AIG1: variants seen among roughly 807,000 people sequenced by gnomAD.
AIG1 encodes the protein androgen induced 1.
A neutral mutation model predicts 31.4 loss-of-function variants in AIG1; 23 were observed. The ratio of observed to expected loss-of-function variants is 0.73; its 90% CI spans 0.53 to 1.04. The LOEUF (loss-of-function observed/expected upper bound fraction) is 1.04. AIG1 is among the 50% of genes least tolerant of loss of function. AIG1 has a pLI of 0.00. For synonymous variants in AIG1, 100 were observed against 110.5 expected, an observed-to-expected ratio of 0.90 and a Z score of 0.60; for missense variants, 274 against 295.0, an observed-to-expected ratio of 0.93 and a Z score of 0.52.
At chr6:143,192,297 A>G (rs1016454313) in intron 3 of AIG1, among the ~76,000 whole-genome samples, 4 of 152,194 alleles carry the variant, frequency 2.6e-5, no homozygotes, top group African/African-American at 9.6e-5. Context: ...ATAAGTCCTC[A>G]ACAAAAATGC....
chr6:143,320,143 A>G (rs957358588), intron 4 of AIG1, among the ~76,000 whole-genome samples: 12 of 152,226 alleles, frequency 7.9e-5, no homozygotes, highest in African/African-American at 2.9e-4. Context: ...ATCATGAGGG[A>G]AATGCAAATT....
intron 3 of AIG1, among the ~76,000 whole-genome samples, chr6:143,184,557 C>T (rs1035180752): frequency 4.6e-5 from 7 of 152,222 alleles, no homozygotes; most frequent in Admixed American, 3.9e-4. Context: ...ATCACATCCC[C>T]CACAGTTAGG....
intron 3 of AIG1, among the ~76,000 whole-genome samples, chr6:143,243,933 G>A (rs906478707): frequency 6.6e-6 from 1 of 152,146 alleles, no homozygotes; most frequent in Non-Finnish European, 1.5e-5. Flanking sequence ...GCCTAGATTT[G>A]CCATCAAAAT....
Position 143,088,188 on chromosome 6 carries a change from T to A in AIG1, c.141+27122T>A, listed in dbSNP as rs553799778. On this transcript the variant is annotated intron_variant, in intron 1 of 5. Transcript: ENST00000357847. ...AAATTGTGCTTTAGTCATGAGTGAT[T>A]TATTAGGTCCAATTTGAAGAGTTGG... is the stretch of plus-strand genomic sequence containing the variant. 2.0e-5 allele frequency among the ~76,000 whole-genome samples: 3 copies of A among 152,308 alleles called. No homozygotes were observed. The South Asian group carries it at 6.2e-4, about 32-fold the overall frequency.
chr6:143,247,052 G>A (rs1391243999), intron 3 of AIG1, among the ~76,000 whole-genome samples: 3 of 152,144 alleles, frequency 2.0e-5, no homozygotes, highest in Non-Finnish European at 4.4e-5. Flanking sequence ...GGAGTTATAG[G>A]GCATTAACTC....
At chr6:143,246,238 C>T (rs1434049949) in intron 3 of AIG1, among the ~76,000 whole-genome samples, 1 of 150,620 alleles carries the variant, frequency 6.6e-6, no homozygotes, top group African/African-American at 2.4e-5. Flanking sequence ...TTTCACACTG[C>T]TGATAAAGAC....
chr6:143,262,675 GAACTAA>G (rs888025476), intron 3 of AIG1, among the ~76,000 whole-genome samples: 1 of 151,820 alleles, frequency 6.6e-6, no homozygotes, highest in Non-Finnish European at 1.5e-5. Context: ...CATCAAAACA[GAACTAA>G]AAATTGAAGA....
At chr6:143,176,502 T>C (rs547087132) in intron 3 of AIG1, among the ~76,000 whole-genome samples, 6 of 151,934 alleles carry the variant, frequency 3.9e-5, no homozygotes, top group Non-Finnish European at 7.4e-5. Context: ...CTCAGACTCT[T>C]CTTCGGCAGG....
At chr6:143,313,984 A>T (rs1025158329) in intron 4 of AIG1, among the ~76,000 whole-genome samples, 1 of 152,006 alleles carries the variant, frequency 6.6e-6, no homozygotes, top group Non-Finnish European at 1.5e-5. Context: ...ATTCGGCATC[A>T]TATAGGAAAT....
At chr6:143,214,622 C>T (rs182698369) in intron 3 of AIG1, among the ~76,000 whole-genome samples, 1 of 152,246 alleles carries the variant, frequency 6.6e-6, no homozygotes, top group Non-Finnish European at 1.5e-5. Context: ...GAATTTGATC[C>T]TTATGAAACA....
intron 3 of AIG1, among the ~76,000 whole-genome samples, chr6:143,194,085 G>GTA (rs1298656363): frequency 3.9e-5 from 6 of 152,180 alleles, no homozygotes; most frequent in African/African-American, 1.4e-4. Flanking sequence ...CTTATCCCCT[G>GTA]TATATTAGTC....
At chr6:143,080,931 G>A (rs1479008912) in intron 1 of AIG1, among the ~76,000 whole-genome samples, 5 of 152,132 alleles carry the variant, frequency 3.3e-5, no homozygotes, top group Non-Finnish European at 5.9e-5. Flanking sequence ...CATGTCACCA[G>A]GGTGGAATAA....
chr6:143,257,891 TTGAG>T (rs1425551028), intron 3 of AIG1, among the ~76,000 whole-genome samples: 7 of 152,140 alleles, frequency 4.6e-5, no homozygotes, highest in African/African-American at 1.7e-4. Flanking sequence ...AAGTATGCAC[TTGAG>T]TGAGAGGCTG....
chr6:143,173,810 G>A (rs189999427), intron 3 of AIG1, among the ~76,000 whole-genome samples: 358 of 152,230 alleles, frequency 2.4e-3, no homozygotes, highest in African/African-American at 8.4e-3. Context: ...CCTATCACAT[G>A]GTCTATCTTG....
At chr6:143,149,554 A>AAAAG (rs1562429485) in intron 2 of AIG1, among the ~76,000 whole-genome samples, 2 of 151,270 alleles carry the variant, frequency 1.3e-5, no homozygotes, top group East Asian at 1.9e-4. Context: ...AAAAAAAAAA[A>AAAAG]AAAGAAAGAA....
At chr6:143,164,214 A>G (rs576020950) in intron 2 of AIG1, among the ~76,000 whole-genome samples, 2 of 152,264 alleles carry the variant, frequency 1.3e-5, no homozygotes, top group Middle Eastern at 3.4e-3. Flanking sequence ...AGAGACTTTT[A>G]TCTCTTCCTG....
intron 2 of AIG1, among the ~76,000 whole-genome samples, chr6:143,149,430 G>A (rs1784988850): frequency 6.6e-6 from 1 of 151,426 alleles, no homozygotes; most frequent in Non-Finnish European, 1.5e-5. Context: ...GGGAGGCTGA[G>A]GCAGGAGAAT....
At chr6:143,164,090 A>G (rs542564126) in intron 2 of AIG1, among the ~76,000 whole-genome samples, 1 of 152,282 alleles carries the variant, frequency 6.6e-6, no homozygotes, top group East Asian at 1.9e-4. Context: ...TATTATTTTT[A>G]TTAATAAAAT....
chr6:143,186,477 C>T (rs1241259023), intron 3 of AIG1, among the ~76,000 whole-genome samples: 2 of 152,178 alleles, frequency 1.3e-5, no homozygotes, highest in African/African-American at 4.8e-5. Flanking sequence ...TTATCAAGTA[C>T]ATTAATTCAT....
Sources: gnomAD v4.1 joint callset for allele counts (sites outside exome capture counted in the v4.1 genomes callset) on GRCh38, gnomAD v4.1.1 for gene constraint, MANE v1.5 for transcripts, NCBI Gene and HGNC (gene_info 2026-07-23, HGNC 2026-07-21) for gene names.